The following ZNF567 variants were observed in gnomAD, a reference collection of about 807,000 sequenced individuals.
ZNF567 encodes the protein zinc finger protein 567.
Under a neutral mutation model 53.9 loss-of-function variants are expected in ZNF567, and 36 were observed. The observed-to-expected ratio is 0.67, with a 90% CI of 0.51 to 0.88. The LOEUF (loss-of-function observed/expected upper bound fraction) is 0.88. Among genes scored for constraint, ZNF567 ranks in the 40% least tolerant of loss-of-function variants. The pLI is 0.00. For synonymous variants in ZNF567, 224 were observed against 260.4 expected (o/e 0.86, Z 1.35); for missense variants, 619 against 764.7 (o/e 0.81, Z 2.25).
At chr19:36,674,479 G>T in the ZNF567 span, among the ~76,000 whole-genome samples, 1 of 152,150 alleles carries the variant, frequency 6.6e-6, no homozygotes. Context: ...GTCTGTTGAT[G>T]TTGGGTCTAA....
chr19:36,698,302 A>G (rs2038998196), intron 3 of ZNF567, among the ~76,000 whole-genome samples: 1 of 151,306 alleles, frequency 6.6e-6, no homozygotes. Context: ...TATGTGCCAC[A>G]TTTTCTTAAT....
intron 3 of ZNF567, among the ~76,000 whole-genome samples, chr19:36,701,159 T>A (rs1322910944): frequency 1.3e-5 from 2 of 152,248 alleles, no homozygotes; most frequent in African/African-American, 4.8e-5. Context: ...CATCTTGATT[T>A]CTGCCTTCAT....
chr19:36,694,786 G>T lies in ZNF567; in HGVS notation c.-66-16G>T. Reference sequence around the variant, plus strand: ...GGTCTCATGTGGCTTTTTTTGTCTCGGCTTTGCCTCCTTAGGAACTGCCTC... The same window carrying T: ...GGTCTCATGTGGCTTTTTTTGTCTCTGCTTTGCCTCCTTAGGAACTGCCTC... On this transcript the variant is annotated splice_polypyrimidine_tract_variant and intron_variant, in intron 2 of 5. Transcript: ENST00000682579. 1.4e-6 allele frequency: 2 copies of T among 1,407,664 alleles called. No homozygotes were observed. Among genetic ancestry groups the T allele is most frequent in the South Asian group, 1.3e-5 (1 of 74,666 alleles). 87.2% of individuals were successfully genotyped at this position (1,407,664 alleles called of 1,614,324 possible).
At chr19:36,709,791 G>C (rs1240229040) in intron 3 of ZNF567, among the ~76,000 whole-genome samples, 1 of 152,164 alleles carries the variant, frequency 6.6e-6, no homozygotes. Context: ...GTGCATTCCT[G>C]CTGGTGATGA....
At chr19:36,689,077 A>G (rs1171420024) in intron 1 of ZNF567, among the ~76,000 whole-genome samples, 2 of 152,172 alleles carry the variant, frequency 1.3e-5, no homozygotes, top group African/African-American at 4.8e-5. Flanking sequence ...AGCCTGGGCG[A>G]CAGAACGAGA....
At chr19:36,724,784 G>C (rs1438043117), downstream of ZNF567, among the ~76,000 whole-genome samples, 1 of 151,044 alleles carries the variant, frequency 6.6e-6, no homozygotes, top group African/African-American at 2.4e-5. Context: ...GGAGGCAGAG[G>C]TTGCAGTGAG....
chr19:36,724,178 G>A (rs2040325069), downstream of ZNF567, among the ~76,000 whole-genome samples: 1 of 150,872 alleles, frequency 6.6e-6, no homozygotes, highest in South Asian at 2.1e-4. Context: ...GGCTAATTTT[G>A]TATTTTTAGT....
At chr19:36,686,013 G>A (rs748262378), upstream of ZNF567, 3 of 152,164 alleles carry the variant, frequency 2.0e-5, no homozygotes, top group Non-Finnish European at 4.4e-5. Context: ...CAGTCATGGT[G>A]GTCTCAGGGC....
chr19:36,712,949 G>A (rs2039865241), intron 5 of ZNF567, 82 bp downstream of exon 5: 2 of 1,071,292 alleles, frequency 1.9e-6, no homozygotes, highest in South Asian at 1.6e-5. Flanking sequence ...CCTTTGAAAT[G>A]TTTCAGGAGT....
intron 2 of ZNF567, among the ~76,000 whole-genome samples, chr19:36,690,307 T>G (rs1364599138): frequency 6.6e-6 from 1 of 152,138 alleles, no homozygotes; most frequent in African/African-American, 2.4e-5. Context: ...AAAATAGGAC[T>G]TTTGGTGGGG....
downstream of ZNF567, among the ~76,000 whole-genome samples, chr19:36,726,280 C>T (rs1179904097): frequency 6.6e-6 from 1 of 152,118 alleles, no homozygotes; most frequent in Non-Finnish European, 1.5e-5. Flanking sequence ...TTTTCATGCT[C>T]GTCTTTTTTC....
At chr19:36,708,649 C>G (rs149879730) in intron 3 of ZNF567, among the ~76,000 whole-genome samples, 3 of 152,174 alleles carry the variant, frequency 2.0e-5, no homozygotes, top group African/African-American at 7.2e-5. Context: ...CCTGCTACCC[C>G]CTGGAAACCA....
the ZNF567 span, chr19:36,668,547 G>C: frequency 6.6e-6 from 1 of 152,512 alleles, no homozygotes; most frequent in Non-Finnish European, 1.5e-5. Flanking sequence ...GAAGGTCTGA[G>C]ATGGATGAAT....
At chr19:36,687,499 A>AG (rs2038306807), upstream of ZNF567, 1 of 152,358 alleles carries the variant, frequency 6.6e-6, no homozygotes, top group African/African-American at 2.4e-5. Flanking sequence ...TGGGAAATGT[A>AG]GTCCAAGGCC....
At chr19:36,696,257 G>C (rs187703281) in intron 3 of ZNF567, among the ~76,000 whole-genome samples, 3 of 152,012 alleles carry the variant, frequency 2.0e-5, no homozygotes, top group Non-Finnish European at 4.4e-5. Flanking sequence ...ATTTATCTTC[G>C]TATCTGGACC....
chr19:36,676,608 G>A, the ZNF567 span, among the ~76,000 whole-genome samples: 6,182 of 152,146 alleles, frequency 0.041, 424 homozygotes, highest in African/African-American at 0.14. Flanking sequence ...GAGTGTTTTT[G>A]TCATTTGCAG....
At chr19:36,709,020 T>C (rs1333567836) in intron 3 of ZNF567, among the ~76,000 whole-genome samples, 1 of 152,246 alleles carries the variant, frequency 6.6e-6, no homozygotes, top group Non-Finnish European at 1.5e-5. Flanking sequence ...TATAGTTTCA[T>C]TTATTAATAC....
chr19:36,712,595 AT>A (rs1391889173), intron 4 of ZNF567, 83 bp downstream of exon 4: 1 of 1,570,478 alleles, frequency 6.4e-7, no homozygotes, highest in Non-Finnish European at 8.7e-7. Context: ...AATTTCAGGA[AT>A]AAGAGGTGAT....
chr19:36,694,035 A>G (rs1461105289), intron 2 of ZNF567, among the ~76,000 whole-genome samples: 1 of 152,138 alleles, frequency 6.6e-6, no homozygotes, highest in Non-Finnish European at 1.5e-5. Context: ...TAATAATTTA[A>G]AAAATTAGCC....
Sources: gnomAD v4.1 joint callset for allele counts (sites outside exome capture counted in the v4.1 genomes callset) on GRCh38, gnomAD v4.1.1 for gene constraint, MANE v1.5 for transcripts, NCBI Gene and HGNC (gene_info 2026-07-23, HGNC 2026-07-21) for gene names.